Variants in PRMT8 observed in about 807,000 individuals in gnomAD.
PRMT8 encodes protein arginine methyltransferase 8.
Under a neutral mutation model 47.1 loss-of-function variants are expected in PRMT8, and 7 were observed. The observed-to-expected ratio is 0.15, with a 90% CI of 0.08 to 0.28. The LOEUF (loss-of-function observed/expected upper bound fraction) is 0.28. Ranked by LOEUF, PRMT8 falls within the 10% of genes least tolerant of loss-of-function variation. PRMT8 has a pLI of 1.00. For missense variants in PRMT8, 237 were observed against 505.4 expected, an observed-to-expected ratio of 0.47 and a Z score of 5.09; for synonymous variants, 188 against 186.5, an observed-to-expected ratio of 1.01 and a Z score of -0.07.
Position 3,564,013 on chromosome 12 carries a change from G to A in PRMT8, c.482-4693G>A, listed in dbSNP as rs1044138177. 4.0e-5 allele frequency among the ~76,000 whole-genome samples: 6 copies of A among 151,608 alleles called. No homozygotes were observed. The highest frequency in any genetic ancestry group is 1.5e-4 in the African/African-American group (6 of 41,300). On this transcript the variant is annotated intron_variant, in intron 4 of 9. Coordinates refer to ENST00000382622, the MANE Select transcript of PRMT8 (RefSeq NM_019854.5). The surrounding 1 kb of genome is among the most constrained non-coding windows in gnomAD (Gnocchi z 4.0). The stretch of plus-strand genomic sequence containing the variant: ...TCTGAATGTTTGTGAGGAGTCAAAT[G>A]CTCCGCTATATCCTGGAAATAGGAA...
chr12:3,428,955 C>CCTCTCT (rs1377002464), intron 1 of PRMT8, among the ~76,000 whole-genome samples: 2 of 139,470 alleles, frequency 1.4e-5, no homozygotes, highest in Middle Eastern at 3.8e-3. Flanking sequence ...CCTCTCTCCG[C>CCTCTCT]CTCTCTCTAT....
In PRMT8 at chr12:3,538,602, A is replaced by G. The variant is rs917969475; in HGVS notation, c.76-2004A>G. 9 of 518,988 alleles carry G rather than the reference A, an allele frequency of 1.7e-5. No homozygotes were observed. Among genetic ancestry groups the G allele is most frequent in the Non-Finnish European group, 3.5e-5 (9 of 259,860 alleles). 32.1% of individuals were successfully genotyped at this position (518,988 alleles called of 1,614,324 possible). On this transcript the variant is annotated intron_variant, in intron 1 of 9. Coordinates refer to ENST00000382622, the MANE Select transcript of PRMT8 (RefSeq NM_019854.5). The surrounding 1 kb of genome is among the most constrained non-coding windows in gnomAD (Gnocchi z 4.6). ...GCTGGAGGCCCCTGTGACCTTGACC[A>G]TGCACAATGCCCAGACCAGCTCCGA...
chr12:3,422,528 AG>A (rs1246730184), intron 1 of PRMT8, among the ~76,000 whole-genome samples: 4 of 152,174 alleles, frequency 2.6e-5, no homozygotes, highest in Admixed American at 2.0e-4. Context: ...TACAACTCTA[AG>A]GGGGTCCGCG....
At chr12:3,547,465 T>C (rs1866344617) in intron 2 of PRMT8, among the ~76,000 whole-genome samples, 1 of 151,964 alleles carries the variant, frequency 6.6e-6, no homozygotes, top group South Asian at 2.1e-4. Flanking sequence ...AAACACCATA[T>C]ACAGTATCAC....
At chr12:3,445,344 A>G (rs1428743536) in intron 1 of PRMT8, among the ~76,000 whole-genome samples, 3 of 152,230 alleles carry the variant, frequency 2.0e-5, no homozygotes, top group African/African-American at 2.4e-5. Context: ...GTGTGGTGTA[A>G]TAGTGAGTTG....
At chr12:3,465,207 T>A (rs1292103412) in intron 1 of PRMT8, among the ~76,000 whole-genome samples, 1 of 144,766 alleles carries the variant, frequency 6.9e-6, no homozygotes, top group Non-Finnish European at 1.5e-5. Context: ...AATATATTTT[T>A]ATATATATTT....
intron 2 of PRMT8, among the ~76,000 whole-genome samples, chr12:3,541,653 A>G (rs1325664764): frequency 6.6e-6 from 1 of 152,222 alleles, no homozygotes; most frequent in African/African-American, 2.4e-5. Context: ...AGTCTTGAAG[A>G]TCTTCCTTCC....
chr12:3,428,824 C>A (rs1773803268), intron 1 of PRMT8, among the ~76,000 whole-genome samples: 1 of 151,870 alleles, frequency 6.6e-6, no homozygotes, highest in Non-Finnish European at 1.5e-5. Context: ...CTCTTCCTCT[C>A]TCTCTGCCTC....
At chr12:3,431,717 T>C (rs1864680621) in intron 1 of PRMT8, among the ~76,000 whole-genome samples, 3 of 152,218 alleles carry the variant, frequency 2.0e-5, no homozygotes, top group Admixed American at 2.0e-4. Context: ...CTAGAGACAT[T>C]GGCCAGAACT....
intron 1 of PRMT8, among the ~76,000 whole-genome samples, chr12:3,496,900 T>C (rs1038345751): frequency 6.7e-6 from 1 of 149,928 alleles, no homozygotes; most frequent in African/African-American, 2.5e-5. Context: ...TCAGGAGAAT[T>C]AAGAAGATAC....
chr12:3,497,813 C>A (rs1865532202), intron 1 of PRMT8, among the ~76,000 whole-genome samples: 1 of 152,148 alleles, frequency 6.6e-6, no homozygotes, highest in South Asian at 2.1e-4. Flanking sequence ...GAGCAAACAG[C>A]TTGATGTGCG....
chr12:3,390,553 A>G (rs1864183680), intron 1 of PRMT8, among the ~76,000 whole-genome samples: 1 of 152,176 alleles, frequency 6.6e-6, no homozygotes, highest in Non-Finnish European at 1.5e-5. Context: ...TAACCCTAAT[A>G]GTAGCTACCA....
At chr12:3,404,492 G>A (rs1241069214) in intron 1 of PRMT8, among the ~76,000 whole-genome samples, 1 of 152,148 alleles carries the variant, frequency 6.6e-6, no homozygotes, top group Non-Finnish European at 1.5e-5. Flanking sequence ...TAGAACATTA[G>A]AGAATATCAT....
At chr12:3,430,913 T>G (rs1489510851) in intron 1 of PRMT8, among the ~76,000 whole-genome samples, 1 of 152,174 alleles carries the variant, frequency 6.6e-6, no homozygotes, top group East Asian at 1.9e-4. Flanking sequence ...TAGAGATCAG[T>G]GAGCCTGGGG....
intron 1 of PRMT8, among the ~76,000 whole-genome samples, chr12:3,472,807 C>T (rs1264257435): frequency 6.6e-6 from 1 of 152,064 alleles, no homozygotes; most frequent in African/African-American, 2.4e-5. Flanking sequence ...TTTCTCTTCA[C>T]CACCCAGGGA....
intron 2 of PRMT8, among the ~76,000 whole-genome samples, chr12:3,547,803 T>C (rs1866350780): frequency 6.6e-6 from 1 of 152,236 alleles, no homozygotes; most frequent in African/African-American, 2.4e-5. Flanking sequence ...TCTTGGATTA[T>C]AAAACTCAAA....
chr12:3,440,337 C>T (rs1864787462), intron 1 of PRMT8, among the ~76,000 whole-genome samples: 1 of 152,086 alleles, frequency 6.6e-6, no homozygotes, highest in Non-Finnish European at 1.5e-5. Context: ...CAGCACGCGG[C>T]TGTAGTCCCA....
Position 3,580,354 on chromosome 12 carries a change from G to GTA in PRMT8, c.829-2703_829-2702insAT, listed in dbSNP as rs563877117. ...TGCGTGTGCGTGTGTGTGTGTGTGT[G>GTA]TGTGTGTGTGTGTACGCGTGCGCAT... On this transcript the variant is annotated intron_variant, in intron 7 of 9. Coordinates refer to ENST00000382622, the MANE Select transcript of PRMT8 (RefSeq NM_019854.5). This position sits in a 1 kb window ranked among gnomAD's most constrained non-coding sequence, Gnocchi z 4.6. 0.078 allele frequency among the ~76,000 whole-genome samples: 11,814 copies of GTA among 151,700 alleles called. 663 individuals are homozygous for GTA. The highest frequency in any genetic ancestry group is 0.12 in the Non-Finnish European group (8,174 of 67,858).
At chr12:3,588,169 CT>C (rs1370846418) in intron 8 of PRMT8, among the ~76,000 whole-genome samples, 1 of 152,230 alleles carries the variant, frequency 6.6e-6, no homozygotes, top group Non-Finnish European at 1.5e-5. Context: ...AGTTTACTTT[CT>C]GCGCCTTGGG....
Sources: gnomAD v4.1 joint callset for allele counts (sites outside exome capture counted in the v4.1 genomes callset) on GRCh38, gnomAD v4.1.1 for gene constraint, Gnocchi (gnomAD v3.1) non-coding constraint, MANE v1.5 for transcripts, NCBI Gene and HGNC (gene_info 2026-07-23, HGNC 2026-07-21) for gene names.